Variants in SGCZ observed in about 807,000 individuals in gnomAD.
SGCZ encodes the protein sarcoglycan zeta.
Under a neutral mutation model 41.3 loss-of-function variants are expected in SGCZ, and 40 were observed. That is an observed-to-expected ratio of 0.97 (90% CI 0.75 to 1.26). The LOEUF (loss-of-function observed/expected upper bound fraction) is 1.26, where lower values mean the gene tolerates loss of function less well. Ranked by LOEUF, SGCZ falls within the 50% of genes most tolerant of loss-of-function variation. SGCZ has a pLI of 0.00. For missense variants in SGCZ, 552 were observed against 369.8 expected (o/e 1.49, Z -4.04); for synonymous variants, 206 against 137.5 (o/e 1.50, Z -3.49).
intron 1 of SGCZ, among the ~76,000 whole-genome samples, chr8:15,076,463 T>A (rs1805534540): frequency 6.6e-6 from 1 of 152,122 alleles, no homozygotes; most frequent in African/African-American, 2.4e-5. Flanking sequence ...GATGAGGAAA[T>A]GGATGTCGTG....
chr8:15,156,775 T>C (rs56369360), intron 1 of SGCZ, among the ~76,000 whole-genome samples: 39,013 of 151,702 alleles, frequency 0.26, 5,438 homozygotes, highest in East Asian at 0.54. Flanking sequence ...GAAACCCCGT[T>C]GCTATTAAAA....
chr8:15,170,059 T>C (rs1799782536), intron 1 of SGCZ, among the ~76,000 whole-genome samples: 1 of 152,234 alleles, frequency 6.6e-6, no homozygotes, highest in South Asian at 2.1e-4. Context: ...GAGTGGTTTA[T>C]CATTCAAAGA....
rs77506731 is a variant in SGCZ at position 15,063,011 on chromosome 8, G to T, written c.39+174574C>A. ...AAATGGTACTCACAGTGTACCTGAG[G>T]ATGACTTGAAGCCATTTAATATATT... On this transcript the variant is annotated intron_variant, in intron 1 of 7. Coordinates refer to ENST00000382080, the MANE Select transcript of SGCZ (RefSeq NM_139167.4). 3.6e-3 allele frequency among the ~76,000 whole-genome samples: 549 copies of T among 152,214 alleles called. 6 individuals carry two copies. Among genetic ancestry groups the T allele is most frequent in the African/African-American group, 0.013 (523 of 41,554 alleles).
intron 1 of SGCZ, among the ~76,000 whole-genome samples, chr8:14,948,192 T>C (rs937159239): frequency 2.0e-5 from 3 of 152,146 alleles, no homozygotes; most frequent in East Asian, 3.9e-4. Flanking sequence ...AATTACTGAG[T>C]GAAGGAGGCA....
chr8:14,128,395 G>C (rs958900896), intron 5 of SGCZ, among the ~76,000 whole-genome samples: 31 of 152,240 alleles, frequency 2.0e-4, no homozygotes, highest in Admixed American at 1.6e-3. Context: ...ATTAAAACTT[G>C]AAAATAACAC....
intron 1 of SGCZ, among the ~76,000 whole-genome samples, chr8:14,606,744 G>C (rs1317873189): frequency 2.0e-5 from 3 of 152,162 alleles, no homozygotes; most frequent in Non-Finnish European, 4.4e-5. Context: ...CACATGGTTA[G>C]TGTTAAATGT....
At chr8:14,813,903 A>C (rs1056834204) in intron 1 of SGCZ, among the ~76,000 whole-genome samples, 9 of 152,196 alleles carry the variant, frequency 5.9e-5, no homozygotes, top group Non-Finnish European at 1.3e-4. Flanking sequence ...CAGTGAGCCA[A>C]GATAGTGCCA....
At chr8:14,547,809 G>T (rs1444164750) in intron 2 of SGCZ, among the ~76,000 whole-genome samples, 1 of 151,998 alleles carries the variant, frequency 6.6e-6, no homozygotes, top group South Asian at 2.1e-4. Context: ...CCAAAGCTCG[G>T]GTCCAAAACC....
chr8:14,460,645 C>T (rs1384791540), intron 2 of SGCZ, among the ~76,000 whole-genome samples: 9 of 152,032 alleles, frequency 5.9e-5, no homozygotes, highest in Admixed American at 5.9e-4. Flanking sequence ...TACCAAAGAA[C>T]AGAGAGACGA....
At chr8:14,566,354 A>G (rs981651677) in intron 1 of SGCZ, among the ~76,000 whole-genome samples, 2 of 152,228 alleles carry the variant, frequency 1.3e-5, no homozygotes, top group African/African-American at 4.8e-5. Flanking sequence ...GGAAGTAAAA[A>G]GTGGCCGAAT....
chr8:15,131,361 C>A (rs1325648999), intron 1 of SGCZ, among the ~76,000 whole-genome samples: 1 of 152,168 alleles, frequency 6.6e-6, no homozygotes, highest in East Asian at 1.9e-4. Flanking sequence ...TGCCTGCCGC[C>A]ATGTGAGACA....
intron 3 of SGCZ, among the ~76,000 whole-genome samples, chr8:14,257,617 T>C (rs1388424609): frequency 5.2e-4 from 78 of 150,582 alleles, no homozygotes; most frequent in Non-Finnish European, 1.6e-4. Flanking sequence ...TATCTACTAA[T>C]GCTATCCCTC....
At chr8:14,938,961 C>T (rs1800176748) in intron 1 of SGCZ, among the ~76,000 whole-genome samples, 1 of 152,094 alleles carries the variant, frequency 6.6e-6, no homozygotes, top group Non-Finnish European at 1.5e-5. Context: ...TTCTGCTAAG[C>T]CCAAGACTGC....
intron 1 of SGCZ, among the ~76,000 whole-genome samples, chr8:14,595,414 C>G (rs1179683844): frequency 6.0e-5 from 9 of 151,138 alleles, no homozygotes; most frequent in African/African-American, 1.9e-4. Context: ...CACACACACA[C>G]ACACACACAC....
intron 1 of SGCZ, among the ~76,000 whole-genome samples, chr8:15,059,852 C>A (rs542535747): frequency 2.0e-5 from 3 of 152,162 alleles, no homozygotes; most frequent in Non-Finnish European, 4.4e-5. Context: ...GTCTTTTCAT[C>A]CTTTGTCTCA....
intron 1 of SGCZ, among the ~76,000 whole-genome samples, chr8:14,624,557 T>TATTA (rs796581114): frequency 0.079 from 4,317 of 54,736 alleles, 294 homozygotes; most frequent in African/African-American, 0.23. Context: ...TTATTATTAT[T>TATTA]TTTTTTTTTT....
In SGCZ at chr8:14,603,130, C is replaced by T. The variant is rs1221908288; in HGVS notation, c.40-48204G>A. Reference sequence around the variant, plus strand: ...GGTGGCCTGGGAGTGCATTCTCAGGCTATGAGATACTGCCACATATAGGTC... The same window carrying T: ...GGTGGCCTGGGAGTGCATTCTCAGGTTATGAGATACTGCCACATATAGGTC... On this transcript the variant is annotated intron_variant, in intron 1 of 7. Coordinates refer to ENST00000382080, the MANE Select transcript of SGCZ (RefSeq NM_139167.4). Among the ~76,000 whole-genome samples the T allele has an allele frequency of 1.3e-5, 2 of 152,104 alleles. 1 individual carries two copies. Among genetic ancestry groups the T allele is most frequent in the East Asian group, 3.9e-4 (2 of 5,166 alleles).
chr8:14,607,700 T>A (rs1477925947), intron 1 of SGCZ, among the ~76,000 whole-genome samples: 2 of 152,154 alleles, frequency 1.3e-5, no homozygotes, highest in East Asian at 3.8e-4. Context: ...ACTCGTGGGA[T>A]CTACACAATC....
At chr8:14,251,959 C>G (rs1799302856) in intron 3 of SGCZ, among the ~76,000 whole-genome samples, 1 of 152,094 alleles carries the variant, frequency 6.6e-6, no homozygotes. Flanking sequence ...ATCCTCCCAC[C>G]TCGACCTCCC....
Sources: gnomAD v4.1 joint callset for allele counts (sites outside exome capture counted in the v4.1 genomes callset) on GRCh38, gnomAD v4.1.1 for gene constraint, MANE v1.5 for transcripts, NCBI Gene and HGNC (gene_info 2026-07-23, HGNC 2026-07-21) for gene names.